SND1: variants seen among roughly 807,000 people sequenced by gnomAD.
The protein encoded by SND1 is staphylococcal nuclease and tudor domain containing 1, also known as staphylococcal nuclease domain-containing protein 1.
Under a neutral mutation model 121.7 loss-of-function variants are expected in SND1, and 38 were observed. The ratio of observed to expected loss-of-function variants is 0.31; its 90% CI spans 0.24 to 0.41. The LOEUF (loss-of-function observed/expected upper bound fraction) is 0.41. Among genes scored for constraint, SND1 ranks in the 10% least tolerant of loss-of-function variants. The pLI is 1.00. For missense variants in SND1, 868 were observed against 1,184.6 expected, an observed-to-expected ratio of 0.73 and a Z score of 3.92; for synonymous variants, 401 against 447.4, an observed-to-expected ratio of 0.90 and a Z score of 1.31.
chr7:127,732,722 C>G (rs2116414891), intron 10 of SND1, among the ~76,000 whole-genome samples: 1 of 152,292 alleles, frequency 6.6e-6, no homozygotes, highest in South Asian at 2.1e-4. Context: ...ACAGTTTAAG[C>G]AAGACCAATA....
intron 12 of SND1, among the ~76,000 whole-genome samples, chr7:127,865,912 C>G (rs1356454300): frequency 7.3e-6 from 1 of 136,274 alleles, no homozygotes; most frequent in Non-Finnish European, 1.5e-5. Context: ...CTTTTTATTT[C>G]TCCTTTTTTT....
chr7:127,689,792 T>C (rs1404058152), intron 2 of SND1, among the ~76,000 whole-genome samples: 1 of 152,136 alleles, frequency 6.6e-6, no homozygotes, highest in Non-Finnish European at 1.5e-5. Flanking sequence ...CATTTCTCCT[T>C]CCTAATAATC....
Position 127,952,686 on chromosome 7 carries a change from CT to C in SND1, c.1669+23358del, listed in dbSNP as rs763873447. 1.4e-3 allele frequency among the ~76,000 whole-genome samples: 217 copies of C among 152,316 alleles called. 1 individual carries two copies. Among genetic ancestry groups the C allele is most frequent in the Non-Finnish European group, 2.5e-3 (170 of 68,024 alleles). ...TTTTGACATGACAGTTAACAACAATCTAGATTATCTCTGAAGTTGCTTATCA... is the reference window on the plus strand; with the variant it reads ...TTTTGACATGACAGTTAACAACAATCAGATTATCTCTGAAGTTGCTTATCA... On this transcript the variant is annotated intron_variant, in intron 15 of 23. Transcript: ENST00000354725.
intron 10 of SND1, among the ~76,000 whole-genome samples, chr7:127,721,970 A>G (rs1227359815): frequency 6.6e-6 from 1 of 152,152 alleles, no homozygotes; most frequent in Non-Finnish European, 1.5e-5. Context: ...TTTTTGAGAA[A>G]TGCTTTGTAT....
intron 10 of SND1, among the ~76,000 whole-genome samples, chr7:127,773,635 A>C (rs1329289668): frequency 6.6e-6 from 1 of 152,158 alleles, no homozygotes; most frequent in Non-Finnish European, 1.5e-5. Flanking sequence ...GGTATGTGGA[A>C]GAATAGATAC....
chr7:127,735,801 A>G (rs1218419442), intron 10 of SND1, among the ~76,000 whole-genome samples: 3 of 151,964 alleles, frequency 2.0e-5, no homozygotes, highest in African/African-American at 7.3e-5. Flanking sequence ...TAATTTTTGT[A>G]TTTTTAGTAG....
chr7:127,694,054 A>G (rs1422654697), intron 2 of SND1, among the ~76,000 whole-genome samples: 1 of 152,192 alleles, frequency 6.6e-6, no homozygotes, highest in African/African-American at 2.4e-5. Flanking sequence ...AGAGGAAAGA[A>G]TCACCATTAT....
chr7:127,667,143 C>G (rs1198440892), intron 1 of SND1, among the ~76,000 whole-genome samples: 3 of 152,062 alleles, frequency 2.0e-5, no homozygotes, highest in Admixed American at 2.0e-4. Flanking sequence ...CTTATTTCCT[C>G]AAGCTCTATG....
chr7:128,007,509 T>C (rs1803011331), intron 16 of SND1, among the ~76,000 whole-genome samples: 1 of 152,218 alleles, frequency 6.6e-6, no homozygotes, highest in African/African-American at 2.4e-5. Flanking sequence ...CCACTGGGGC[T>C]CCAGATATGC....
chr7:128,031,597 C>A (rs1465737708), intron 16 of SND1: 1 of 149,288 alleles, frequency 6.7e-6, no homozygotes, highest in Non-Finnish European at 1.5e-5. Context: ...CGCGGGGCGG[C>A]GCTCCGTCCG....
chr7:127,676,386 A>G (rs1292857963), intron 1 of SND1, among the ~76,000 whole-genome samples: 1 of 152,144 alleles, frequency 6.6e-6, no homozygotes, highest in Non-Finnish European at 1.5e-5. Flanking sequence ...AGATAGTGGT[A>G]TTATCTTTAC....
Position 128,081,519 on chromosome 7 carries a change from T to C in SND1, c.2110+18T>C. ...GGAGACCGGTGAGTGCTCAGGCCGC[T>C]GGCTCGTGGTTCCTGGCTTGGTCCA... On this transcript the variant is annotated intron_variant, in intron 18 of 23. Coordinates refer to ENST00000354725, the MANE Select transcript of SND1 (RefSeq NM_014390.4). 1 of 1,612,836 alleles carries C rather than the reference T, an allele frequency of 6.2e-7. No homozygotes were observed. The highest frequency in any genetic ancestry group is 8.5e-7 in the Non-Finnish European group (1 of 1,179,680).
intron 1 of SND1, among the ~76,000 whole-genome samples, chr7:127,653,198 C>T (rs1262408286): frequency 2.6e-5 from 4 of 152,178 alleles, no homozygotes; most frequent in African/African-American, 7.2e-5. Flanking sequence ...ATTTTATATA[C>T]CCTCAACTTT....
intron 18 of SND1, among the ~76,000 whole-genome samples, chr7:128,084,382 G>T (rs1793654499): frequency 6.6e-6 from 1 of 152,218 alleles, no homozygotes; most frequent in Non-Finnish European, 1.5e-5. Context: ...CTTGCTCCCT[G>T]TCTACTTTCT....
At position 127,757,108 on chromosome 7, in the gene SND1, G is replaced by GT. The variant is rs375695209; in HGVS notation, c.1152+35714dup. On this transcript the variant is annotated intron_variant, in intron 10 of 23. Transcript: ENST00000354725. ...TCCCTCATGTCCATTTCCAGATGGC[G>GT]TTTTTTATGCCTTGAAATAACCATT... is the stretch of plus-strand genomic sequence containing the variant. 4.0e-3 allele frequency among the ~76,000 whole-genome samples: 609 copies of GT among 152,182 alleles called. 4 individuals are homozygous for GT. Among genetic ancestry groups the GT allele is most frequent in the African/African-American group, 0.014 (592 of 41,526 alleles).
At chr7:128,050,192 C>T (rs1434432980) in intron 16 of SND1, among the ~76,000 whole-genome samples, 1 of 152,190 alleles carries the variant, frequency 6.6e-6, no homozygotes, top group East Asian at 1.9e-4. Flanking sequence ...TCACCTCCCT[C>T]TTTTTAGCAT....
chr7:127,821,760 C>T (rs1170737332), intron 11 of SND1, among the ~76,000 whole-genome samples: 2 of 151,710 alleles, frequency 1.3e-5, no homozygotes, highest in African/African-American at 4.8e-5. Context: ...ATGGATAAAG[C>T]AGTGATTTTA....
chr7:127,858,520 T>C (rs997248772), intron 12 of SND1: 1 of 510,006 alleles, frequency 2.0e-6, no homozygotes, highest in Non-Finnish European at 3.6e-6. Context: ...TGTACTTTGT[T>C]TATGCAGTGC....
At chr7:128,025,110 T>TA (rs1803444849) in intron 16 of SND1, among the ~76,000 whole-genome samples, 1 of 152,226 alleles carries the variant, frequency 6.6e-6, no homozygotes, top group Non-Finnish European at 1.5e-5. Flanking sequence ...AGAGTCCTGA[T>TA]AGTCTAACCC....
Sources: gnomAD v4.1 joint callset for allele counts (sites outside exome capture counted in the v4.1 genomes callset) on GRCh38, gnomAD v4.1.1 for gene constraint, MANE v1.5 for transcripts, NCBI Gene and HGNC (gene_info 2026-07-23, HGNC 2026-07-21) for gene names.